TMEM181: variants seen among roughly 807,000 people sequenced by gnomAD.
The protein encoded by TMEM181 is transmembrane protein 181.
Under a neutral mutation model 71.9 loss-of-function variants are expected in TMEM181, and 39 were observed. The ratio of observed to expected loss-of-function variants is 0.54; its 90% CI spans 0.42 to 0.71. TMEM181 has a LOEUF of 0.71. Among genes scored for constraint, TMEM181 ranks in the 30% least tolerant of loss-of-function variants. The probability of loss-of-function intolerance (pLI) is 0.00; values close to 1 mark genes in which losing one functional copy is unlikely to be tolerated. For missense variants in TMEM181, 595 were observed against 583.0 expected, an observed-to-expected ratio of 1.02 and a Z score of -0.21; for synonymous variants, 245 against 228.8, an observed-to-expected ratio of 1.07 and a Z score of -0.64.
At chr6:158,588,197 G>GC (rs1461862660) in intron 5 of TMEM181, among the ~76,000 whole-genome samples, 6 of 152,262 alleles carry the variant, frequency 3.9e-5, no homozygotes, top group Non-Finnish European at 7.3e-5. Context: ...CGGGTGGCCA[G>GC]CCAGAGGGCT....
intron 10 of TMEM181, among the ~76,000 whole-genome samples, chr6:158,621,068 C>G (rs528443440): frequency 6.6e-6 from 1 of 152,172 alleles, no homozygotes; most frequent in Non-Finnish European, 1.5e-5. Flanking sequence ...CCCCATACAT[C>G]TTCCTGCAAC....
chr6:158,615,855 GT>G (rs1335632711), intron 10 of TMEM181, among the ~76,000 whole-genome samples: 1 of 152,094 alleles, frequency 6.6e-6, no homozygotes, highest in African/African-American at 2.4e-5. Flanking sequence ...TCTCTGTTTT[GT>G]TACCAGTACC....
intron 6 of TMEM181, 122 bp from the exon 7 acceptor site, chr6:158,605,144 GT>G: frequency 5.2e-6 from 3 of 578,152 alleles, no homozygotes; most frequent in Non-Finnish European, 9.2e-6. Context: ...GTGTGTGTGT[GT>G]GTGTGTGTGT....
At chr6:158,581,473 G>T (rs1322248514) in intron 3 of TMEM181, among the ~76,000 whole-genome samples, 1 of 152,002 alleles carries the variant, frequency 6.6e-6, no homozygotes, top group East Asian at 1.9e-4. Context: ...CCTTAACTTG[G>T]CCAGGTGAGG....
intron 1 of TMEM181, among the ~76,000 whole-genome samples, chr6:158,550,966 CT>C (rs371934475): frequency 0.019 from 2,499 of 132,866 alleles, 28 homozygotes; most frequent in Non-Finnish European, 0.029. Context: ...TTATCAATTC[CT>C]TTTTTTTTTT....
chr6:158,610,438 C>A, intron 10 of TMEM181: 3 of 286,286 alleles, frequency 1.0e-5, no homozygotes, highest in South Asian at 1.6e-4. Context: ...TGAACTTAGT[C>A]AAGGTCCCTT....
intron 2 of TMEM181, among the ~76,000 whole-genome samples, chr6:158,579,295 T>G (rs1462468471): frequency 2.0e-5 from 3 of 151,726 alleles, no homozygotes; most frequent in Non-Finnish European, 4.4e-5. Flanking sequence ...TCTTGATATT[T>G]GTACACCCAT....
intron 10 of TMEM181, among the ~76,000 whole-genome samples, chr6:158,616,304 G>A (rs1030501124): frequency 3.4e-3 from 514 of 152,158 alleles, no homozygotes; most frequent in African/African-American, 0.012. Context: ...TTGGTGTATA[G>A]GAATGTTTGT....
chr6:158,577,009 C>T (rs536430805), intron 2 of TMEM181, among the ~76,000 whole-genome samples: 1 of 148,252 alleles, frequency 6.7e-6, no homozygotes, highest in African/African-American at 2.5e-5. Flanking sequence ...TTGCAGTGAG[C>T]CGAGATTGCG....
At chr6:158,626,578 A>G (rs961016404) in intron 13 of TMEM181, 22 of 456,602 alleles carry the variant, frequency 4.8e-5, no homozygotes, top group Non-Finnish European at 7.9e-5. Context: ...TAGGCATCCA[A>G]GGTCGTCCAC....
chr6:158,551,304 G>T lies in TMEM181; in HGVS notation c.131+14439G>T, dbSNP rs572991073. On this transcript the variant is annotated intron_variant, in intron 1 of 16. Coordinates refer to the TMEM181 transcript ENST00000367090. ...AATTAATTTTTGTTCTGCTTGATCT[G>T]AATTAGCAGTTTCATAAACCTGTCA... Among the ~76,000 whole-genome samples the T allele has an allele frequency of 1.2e-4, 19 of 152,162 alleles. No individual in the cohort carries two copies. In the South Asian group the frequency reaches 3.9e-3, roughly 32 times the overall value.
chr6:158,547,638 T>A (rs1052766063), intron 1 of TMEM181, among the ~76,000 whole-genome samples: 15 of 152,046 alleles, frequency 9.9e-5, no homozygotes, highest in African/African-American at 3.1e-4. Flanking sequence ...CCCAGGCTGC[T>A]CATTTCTCCA....
intron 7 of TMEM181, 79 bp from the exon 8 acceptor site, chr6:158,607,165 T>G: frequency 8.7e-7 from 1 of 1,144,696 alleles, no homozygotes; most frequent in East Asian, 2.4e-5. Context: ...GACAACCTGG[T>G]ATGCCGGCAA....
intron 10 of TMEM181, chr6:158,611,220 CCTT>C (rs1431887191): frequency 2.0e-5 from 10 of 505,454 alleles, no homozygotes; most frequent in Non-Finnish European, 2.4e-5. Context: ...GATTGACTAT[CCTT>C]CTCAGCAGGG....
intron 1 of TMEM181, among the ~76,000 whole-genome samples, chr6:158,550,533 G>A (rs1781686344): frequency 6.6e-6 from 1 of 151,906 alleles, no homozygotes. Context: ...TCGCTTACCT[G>A]TAGTCTCAGC....
At chr6:158,565,955 C>G (rs912621144) in intron 1 of TMEM181, among the ~76,000 whole-genome samples, 1 of 152,184 alleles carries the variant, frequency 6.6e-6, no homozygotes, top group Non-Finnish European at 1.5e-5. Context: ...CCCGGCACCT[C>G]GAGACAGGAG....
intron 6 of TMEM181, among the ~76,000 whole-genome samples, chr6:158,600,709 G>A (rs973715797): frequency 6.6e-6 from 1 of 152,102 alleles, no homozygotes; most frequent in African/African-American, 2.4e-5. Context: ...GACCTCAGGT[G>A]ATCTGCCCAC....
At chr6:158,579,338 G>A (rs1029043825) in intron 2 of TMEM181, among the ~76,000 whole-genome samples, 1 of 151,832 alleles carries the variant, frequency 6.6e-6, no homozygotes, top group Non-Finnish European at 1.5e-5. Flanking sequence ...ATAACAAACT[G>A]TGGAATCAAC....
intron 6 of TMEM181, among the ~76,000 whole-genome samples, chr6:158,595,416 G>C (rs1327183985): frequency 6.6e-6 from 1 of 152,210 alleles, no homozygotes; most frequent in Non-Finnish European, 1.5e-5. Flanking sequence ...CAGAGCCCTT[G>C]CCCCCTGCTG....
Sources: allele counts gnomAD v4.1 joint callset (sites outside exome capture counted in the v4.1 genomes callset), GRCh38; gene constraint gnomAD v4.1.1; transcripts MANE v1.5; gene names NCBI Gene and HGNC (gene_info 2026-07-23, HGNC 2026-07-21).